RFC3: variants seen among roughly 807,000 people sequenced by gnomAD.
RFC3 encodes the protein replication factor C subunit 3.
A neutral mutation model predicts 45.1 loss-of-function variants in RFC3; 41 were observed. The observed-to-expected ratio is 0.91, with a 90% confidence interval of 0.71 to 1.18. The LOEUF (loss-of-function observed/expected upper bound fraction) is 1.18, where lower values mean the gene tolerates loss of function less well. Ranked by LOEUF, RFC3 falls within the 50% of genes most tolerant of loss-of-function variation. The pLI is 0.00. For missense variants in RFC3, 423 were observed against 428.1 expected (o/e 0.99, Z 0.10); for synonymous variants, 149 against 144.0 (o/e 1.03, Z -0.25).
intron 7 of RFC3, among the ~76,000 whole-genome samples, chr13:33,834,529 G>A (rs1367502944): frequency 6.6e-6 from 1 of 151,564 alleles, no homozygotes; most frequent in African/African-American, 2.4e-5. Context: ...CTGGTTGCGT[G>A]CTTACCTGTA....
At chr13:33,900,899 G>A (rs1002062563) in intron 8 of RFC3, among the ~76,000 whole-genome samples, 1 of 151,052 alleles carries the variant, frequency 6.6e-6, no homozygotes, top group Non-Finnish European at 1.5e-5. Context: ...GATTAGACTT[G>A]TCTCAGAAGA....
intron 8 of RFC3, chr13:33,835,448 A>G (rs1430866683): frequency 4.4e-6 from 3 of 688,494 alleles, no homozygotes; most frequent in Non-Finnish European, 8.1e-6. Flanking sequence ...GAAAAGGAGA[A>G]CAAATAAAGA....
chr13:33,952,022 C>T (rs982234346), intron 8 of RFC3, among the ~76,000 whole-genome samples: 2 of 152,182 alleles, frequency 1.3e-5, no homozygotes, highest in African/African-American at 4.8e-5. Context: ...TGTAAACACT[C>T]CCAAGAATAA....
chr13:33,883,050 A>T (rs1244396680), intron 8 of RFC3, among the ~76,000 whole-genome samples: 1 of 152,178 alleles, frequency 6.6e-6, no homozygotes, highest in Admixed American at 6.5e-5. Context: ...ACTTTTGGCA[A>T]CTACATAAAA....
At chr13:33,877,170 C>T (rs1251916863) in intron 8 of RFC3, among the ~76,000 whole-genome samples, 1 of 152,156 alleles carries the variant, frequency 6.6e-6, no homozygotes, top group African/African-American at 2.4e-5. Context: ...TGTGAGAAGG[C>T]TGAGGTTCAG....
intron 8 of RFC3, among the ~76,000 whole-genome samples, chr13:33,874,274 C>G (rs7984887): frequency 0.11 from 16,104 of 152,166 alleles, 1,689 homozygotes; most frequent in African/African-American, 0.25. Context: ...GGGACACTGG[C>G]CCAGCAATGC....
intron 8 of RFC3, among the ~76,000 whole-genome samples, chr13:33,909,319 C>A (rs1207808131): frequency 6.6e-6 from 1 of 151,996 alleles, no homozygotes; most frequent in Non-Finnish European, 1.5e-5. Context: ...TAATGAGAGG[C>A]CACCCTGGTC....
chr13:33,862,512 G>A (rs990098730), intron 8 of RFC3, among the ~76,000 whole-genome samples: 2 of 151,958 alleles, frequency 1.3e-5, no homozygotes, highest in African/African-American at 4.8e-5. Flanking sequence ...ACATTAATAA[G>A]CTGCTTTTGT....
intron 8 of RFC3, among the ~76,000 whole-genome samples, chr13:33,930,623 C>T (rs187225566): frequency 6.6e-6 from 1 of 152,242 alleles, no homozygotes; most frequent in Non-Finnish European, 1.5e-5. Flanking sequence ...AGGAATAATA[C>T]TTTGCATCCT....
intron 8 of RFC3, among the ~76,000 whole-genome samples, chr13:33,896,632 A>G (rs528550466): frequency 7.2e-6 from 1 of 139,422 alleles, no homozygotes; most frequent in Admixed American, 8.0e-5. Context: ...AAATCACCTG[A>G]ACTCAGGAGG....
At chr13:33,862,453 T>C (rs1446331389) in intron 8 of RFC3, among the ~76,000 whole-genome samples, 1 of 152,160 alleles carries the variant, frequency 6.6e-6, no homozygotes, top group Non-Finnish European at 1.5e-5. Flanking sequence ...CATTAATGCT[T>C]CCCATCCTTT....
At chr13:33,953,169 G>C (rs1283045733) in intron 8 of RFC3, among the ~76,000 whole-genome samples, 1 of 151,982 alleles carries the variant, frequency 6.6e-6, no homozygotes, top group East Asian at 1.9e-4. Flanking sequence ...CTGTTTGGAA[G>C]GTATTTATTT....
At chr13:33,858,208 C>T (rs903358272) in intron 8 of RFC3, among the ~76,000 whole-genome samples, 9 of 152,084 alleles carry the variant, frequency 5.9e-5, no homozygotes, top group Admixed American at 1.3e-4. Context: ...GCAGCTTGGC[C>T]AAATGACTTC....
chr13:33,967,596 TCC>T (rs1365308777), downstream of RFC3, among the ~76,000 whole-genome samples: 18 of 151,162 alleles, frequency 1.2e-4, no homozygotes, highest in Non-Finnish European at 1.9e-4. Context: ...CAAGCGATTC[TCC>T]TGCCTCAGCC....
Position 33,818,258 on chromosome 13 carries a change from G to C in RFC3, c.80G>C (p.Arg27Pro), listed in dbSNP as rs770245095. The C allele has an allele frequency of 3.1e-6, 5 of 1,613,444 alleles. No homozygotes were observed. The South Asian group carries it at 5.5e-5, about 18-fold the overall frequency. ...DYHKEQAAQL[R>P]NLVQCGDFPH... ...CACAAGGAGCAGGCGGCCCAGCTGCGGAACCTGGTGAGTCTGCGGGGGCCG... is the reference window on the plus strand; with the variant it reads ...CACAAGGAGCAGGCGGCCCAGCTGCCGAACCTGGTGAGTCTGCGGGGGCCG... The change falls in exon 1 of 9, where the codon CGG (arginine) becomes CCG (proline). Residue 27 changes from arginine to proline, a missense_variant. Arg to Pro is a moderately radical substitution (Grantham distance 103). Coordinates refer to ENST00000380071, the MANE Select transcript of RFC3 (RefSeq NM_002915.4).
downstream of RFC3, among the ~76,000 whole-genome samples, chr13:33,968,561 A>G (rs965548447): frequency 6.6e-6 from 1 of 152,262 alleles, no homozygotes; most frequent in Admixed American, 6.5e-5. Context: ...TTTTTAGCCA[A>G]TCAAACAATC....
chr13:33,874,136 C>T (rs1329064914), intron 8 of RFC3, among the ~76,000 whole-genome samples: 1 of 152,182 alleles, frequency 6.6e-6, no homozygotes, highest in Non-Finnish European at 1.5e-5. Context: ...AGAGAAGTTG[C>T]ATGCTAATTA....
At chr13:33,864,652 G>C (rs1277320630) in intron 8 of RFC3, among the ~76,000 whole-genome samples, 1 of 152,120 alleles carries the variant, frequency 6.6e-6, no homozygotes, top group African/African-American at 2.4e-5. Context: ...AAGTTGAAGA[G>C]ATCACCAGTA....
chr13:33,933,534 A>G (rs546029531), intron 8 of RFC3, among the ~76,000 whole-genome samples: 2 of 152,266 alleles, frequency 1.3e-5, no homozygotes, highest in South Asian at 2.1e-4. Context: ...ACCATTTATA[A>G]TAGTAGGTTA....
Sources: gnomAD v4.1 joint callset for allele counts (sites outside exome capture counted in the v4.1 genomes callset) on GRCh38, gnomAD v4.1.1 for gene constraint, MANE v1.5 for transcripts, NCBI Gene and HGNC (gene_info 2026-07-23, HGNC 2026-07-21) for gene names.